Variants in LARGE1 observed in about 807,000 individuals in gnomAD.
LARGE1 encodes LARGE xylosyl- and glucuronyltransferase 1, also known as xylosyl- and glucuronyltransferase LARGE1.
A neutral mutation model predicts 87.6 loss-of-function variants in LARGE1; 43 were observed. The ratio of observed to expected loss-of-function variants is 0.49; its 90% CI spans 0.38 to 0.63. The LOEUF (loss-of-function observed/expected upper bound fraction) is 0.63. LARGE1 is among the 30% of genes least tolerant of loss of function. The pLI is 0.00. For synonymous variants in LARGE1, 434 were observed against 394.6 expected, an observed-to-expected ratio of 1.10 and a Z score of -1.18; for missense variants, 802 against 1,000.2, an observed-to-expected ratio of 0.80 and a Z score of 2.67.
intron 5 of LARGE1, among the ~76,000 whole-genome samples, chr22:33,565,452 C>T (rs966967680): frequency 6.6e-6 from 1 of 152,204 alleles, no homozygotes; most frequent in African/African-American, 2.4e-5. Context: ...ATTCCATTTA[C>T]GTGTCATTAA....
At chr22:33,183,181 G>A (rs903779927) in intron 11 of LARGE1, among the ~76,000 whole-genome samples, 1 of 151,972 alleles carries the variant, frequency 6.6e-6, no homozygotes, top group Non-Finnish European at 1.5e-5. Context: ...GAACTGAACA[G>A]ACATTTTTTC....
chr22:33,370,863 TA>T (rs1243459441), intron 9 of LARGE1, among the ~76,000 whole-genome samples: 1 of 149,320 alleles, frequency 6.7e-6, no homozygotes, highest in Middle Eastern at 3.8e-3. Flanking sequence ...ATTAATAAAT[TA>T]ATAATATTCA....
At position 33,424,886 on chromosome 22, in the gene LARGE1, G is replaced by T. The variant is rs116389840; in HGVS notation, c.892+7275C>A. On this transcript the variant is annotated intron_variant, in intron 7 of 14. Coordinates refer to ENST00000397394, the MANE Select transcript of LARGE1 (RefSeq NM_133642.5). ...ACTTTAAAATCCTAATTCCTAATGA[G>T]ACAGTATTAGAAGGTGGGGCCTTTG... 9.0e-3 allele frequency among the ~76,000 whole-genome samples: 1,375 copies of T among 152,166 alleles called. 17 individuals carry two copies. The highest frequency in any genetic ancestry group is 0.03 in the African/African-American group (1,255 of 41,502).
At chr22:33,790,736 A>G (rs2085796200) in intron 1 of LARGE1, among the ~76,000 whole-genome samples, 1 of 152,204 alleles carries the variant, frequency 6.6e-6, no homozygotes, top group African/African-American at 2.4e-5. Context: ...CCTGTCACAA[A>G]GATTGAAAAA....
chr22:33,264,263 A>G (rs1311027158), intron 11 of LARGE1, among the ~76,000 whole-genome samples: 1 of 152,240 alleles, frequency 6.6e-6, no homozygotes, highest in Non-Finnish European at 1.5e-5. Context: ...GTGAAGGTAA[A>G]GGCTCTGGGA....
chr22:33,420,915 C>T (rs1284033837), intron 7 of LARGE1, among the ~76,000 whole-genome samples: 5 of 152,154 alleles, frequency 3.3e-5, no homozygotes, highest in Non-Finnish European at 5.9e-5. Flanking sequence ...AGGCTGGGCG[C>T]GGTGGCTCAT....
intron 11 of LARGE1, among the ~76,000 whole-genome samples, chr22:33,202,370 G>A (rs73881999): frequency 0.03 from 4,597 of 152,208 alleles, 96 homozygotes; most frequent in Admixed American, 0.057. Flanking sequence ...GACAGACTAC[G>A]GCCACCTTAT....
chr22:33,752,018 G>A (rs560995797), intron 2 of LARGE1, among the ~76,000 whole-genome samples: 1 of 152,186 alleles, frequency 6.6e-6, no homozygotes, highest in African/African-American at 2.4e-5. Flanking sequence ...CTGGCCTCAA[G>A]TAATCTGCCT....
chr22:33,075,322 C>T, the LARGE1 span, among the ~76,000 whole-genome samples: 1 of 151,992 alleles, frequency 6.6e-6, no homozygotes, highest in East Asian at 1.9e-4. Context: ...AGAATTTCAT[C>T]AGTAGTGACA....
At chr22:33,215,615 G>C (rs1000051366) in intron 11 of LARGE1, among the ~76,000 whole-genome samples, 2 of 152,138 alleles carry the variant, frequency 1.3e-5, no homozygotes, top group Non-Finnish European at 2.9e-5. Context: ...TTGTGTGTGT[G>C]CTTTTTTTTC....
chr22:33,380,853 C>T (rs2065132272), intron 9 of LARGE1, among the ~76,000 whole-genome samples: 1 of 152,174 alleles, frequency 6.6e-6, no homozygotes, highest in Admixed American at 6.5e-5. Flanking sequence ...GGCAAAAGCC[C>T]TTGCTGTCAG....
At chr22:33,854,212 G>GAAAA (rs67771177) in intron 1 of LARGE1, among the ~76,000 whole-genome samples, 7 of 72,710 alleles carry the variant, frequency 9.6e-5, no homozygotes, top group Admixed American at 1.8e-4. Flanking sequence ...CACTTAAGGG[G>GAAAA]AAAAAAAAAA....
chr22:33,905,395 T>G (rs1437349994), intron 1 of LARGE1, among the ~76,000 whole-genome samples: 1 of 152,128 alleles, frequency 6.6e-6, no homozygotes, highest in African/African-American at 2.4e-5. Flanking sequence ...TTGAAAAACT[T>G]GTACTGCCGT....
the LARGE1 span, among the ~76,000 whole-genome samples, chr22:33,144,835 T>C: frequency 1.3e-5 from 2 of 152,162 alleles, no homozygotes; most frequent in African/African-American, 4.8e-5. Context: ...TGCTCAATCA[T>C]CATAAGGACA....
At chr22:33,577,429 T>C (rs762880) in intron 5 of LARGE1, among the ~76,000 whole-genome samples, 65,147 of 152,142 alleles carry the variant, frequency 0.43, 14,388 homozygotes, top group Middle Eastern at 0.52. Context: ...CCAACAGTTC[T>C]TTCTTGCCTT....
intron 1 of LARGE1, among the ~76,000 whole-genome samples, chr22:33,767,564 T>C (rs1027737123): frequency 6.6e-6 from 1 of 151,846 alleles, no homozygotes. Flanking sequence ...CAGGGGTGGC[T>C]AGTTACCATT....
At chr22:33,857,213 C>T (rs747921562) in intron 1 of LARGE1, among the ~76,000 whole-genome samples, 3 of 152,218 alleles carry the variant, frequency 2.0e-5, no homozygotes, top group Non-Finnish European at 2.9e-5. Context: ...CCACCGCACC[C>T]AGCCTAAAAG....
At chr22:33,846,190 C>A (rs2063424687) in intron 1 of LARGE1, among the ~76,000 whole-genome samples, 1 of 152,172 alleles carries the variant, frequency 6.6e-6, no homozygotes, top group African/African-American at 2.4e-5. Context: ...AACGGAGGGA[C>A]CGGCTGAAGC....
chr22:33,423,697 A>AAC (rs2066776373), intron 7 of LARGE1, among the ~76,000 whole-genome samples: 1 of 151,306 alleles, frequency 6.6e-6, no homozygotes, highest in Admixed American at 6.6e-5. Flanking sequence ...AAAAAAAAAA[A>AAC]TTACACTTGT....
Sources: gnomAD v4.1 joint callset for allele counts (sites outside exome capture counted in the v4.1 genomes callset) on GRCh38, gnomAD v4.1.1 for gene constraint, MANE v1.5 for transcripts, NCBI Gene and HGNC (gene_info 2026-07-23, HGNC 2026-07-21) for gene names.